The following TMEM132C variants were observed in gnomAD, a reference collection of about 807,000 sequenced individuals.
The protein encoded by TMEM132C is protein phosphatase 1, regulatory subunit 152.
Under a neutral mutation model 61.4 loss-of-function variants are expected in TMEM132C, and 29 were observed. That is an observed-to-expected ratio of 0.47 (90% CI 0.35 to 0.64). The LOEUF is 0.64. Among genes scored for constraint, TMEM132C ranks in the 30% least tolerant of loss-of-function variants. The pLI, the probability that TMEM132C is intolerant of heterozygous loss-of-function variation, is 0.00. For synonymous variants in TMEM132C, 656 were observed against 633.1 expected (o/e 1.04, Z -0.54); for missense variants, 1,408 against 1,476.9 (o/e 0.95, Z 0.76).
chr12:128,606,552 T>C (rs1876434894), intron 3 of TMEM132C, among the ~76,000 whole-genome samples: 1 of 152,236 alleles, frequency 6.6e-6, no homozygotes, highest in Admixed American at 6.5e-5. Flanking sequence ...GTTTTATTCT[T>C]GGAAAACAGA....
chr12:128,351,003 A>G (rs1019456758), intron 1 of TMEM132C, among the ~76,000 whole-genome samples: 60 of 152,090 alleles, frequency 3.9e-4, no homozygotes, highest in African/African-American at 1.4e-3. Context: ...AAACAAAAGG[A>G]AGAAAAGAGC....
chr12:128,493,336 G>C (rs1871816943), intron 2 of TMEM132C, among the ~76,000 whole-genome samples: 2 of 152,062 alleles, frequency 1.3e-5, no homozygotes, highest in African/African-American at 4.8e-5. Context: ...AATGTGGAAT[G>C]TTTTTTGGTT....
At chr12:128,614,933 C>T (rs1341331808) in intron 3 of TMEM132C, among the ~76,000 whole-genome samples, 1 of 152,200 alleles carries the variant, frequency 6.6e-6, no homozygotes, top group Non-Finnish European at 1.5e-5. Flanking sequence ...ACCACTGTCA[C>T]CCCTCGGCAT....
At chr12:128,600,318 T>C (rs1434051418) in intron 3 of TMEM132C, among the ~76,000 whole-genome samples, 2 of 152,168 alleles carry the variant, frequency 1.3e-5, no homozygotes, top group East Asian at 1.9e-4. Context: ...TTTCCCCTTT[T>C]TTGCTCAGCA....
At chr12:128,361,459 A>T (rs1873705996) in intron 1 of TMEM132C, among the ~76,000 whole-genome samples, 1 of 152,070 alleles carries the variant, frequency 6.6e-6, no homozygotes, top group Non-Finnish European at 1.5e-5. Context: ...CCTTGCCATC[A>T]CATTAGCCTC....
chr12:128,507,876 G>GT (rs1416546941), intron 2 of TMEM132C, among the ~76,000 whole-genome samples: 1 of 152,198 alleles, frequency 6.6e-6, no homozygotes, highest in East Asian at 1.9e-4. Flanking sequence ...ATTTTGTAAA[G>GT]TGGGATTAAG....
intron 3 of TMEM132C, among the ~76,000 whole-genome samples, chr12:128,598,691 G>T (rs1345517832): frequency 6.6e-6 from 1 of 151,938 alleles, no homozygotes; most frequent in East Asian, 1.9e-4. Context: ...TCAGCTTTCA[G>T]CTCAAAGGCC....
chr12:128,302,998 A>G (rs1409380386), intron 1 of TMEM132C, among the ~76,000 whole-genome samples: 1 of 152,228 alleles, frequency 6.6e-6, no homozygotes, highest in Non-Finnish European at 1.5e-5. Flanking sequence ...CCTGACCTCC[A>G]GATGGTATTC....
chr12:128,432,735 G>C (rs956034037), intron 2 of TMEM132C, among the ~76,000 whole-genome samples: 1 of 152,198 alleles, frequency 6.6e-6, no homozygotes. Flanking sequence ...TAAAAGATTT[G>C]TAATAGTACA....
intron 2 of TMEM132C, among the ~76,000 whole-genome samples, chr12:128,521,478 C>T (rs114754891): frequency 6.7e-6 from 1 of 148,254 alleles, no homozygotes; most frequent in African/African-American, 2.5e-5. Context: ...CAACAGGCCC[C>T]GGTGGGAACA....
intron 5 of TMEM132C, among the ~76,000 whole-genome samples, chr12:128,680,567 CA>C (rs1954627054): frequency 1.3e-5 from 2 of 152,240 alleles, no homozygotes; most frequent in Admixed American, 6.5e-5. Context: ...GCTCATTAGT[CA>C]CATGTGGCTA....
chr12:128,305,794 A>G (rs746975663), intron 1 of TMEM132C, among the ~76,000 whole-genome samples: 2 of 152,096 alleles, frequency 1.3e-5, no homozygotes, highest in Non-Finnish European at 2.9e-5. Flanking sequence ...CTGCGTCTGG[A>G]TGTTTGAAGA....
At chr12:128,271,235 C>T (rs1476692431) in intron 1 of TMEM132C, among the ~76,000 whole-genome samples, 3 of 150,104 alleles carry the variant, frequency 2.0e-5, no homozygotes, top group Non-Finnish European at 4.4e-5. Flanking sequence ...GCCTGGGTGA[C>T]AGAGTAAGAC....
chr12:128,524,630 C>G (rs563785412), intron 2 of TMEM132C, among the ~76,000 whole-genome samples: 3 of 152,264 alleles, frequency 2.0e-5, no homozygotes, highest in African/African-American at 7.2e-5. Flanking sequence ...CATTAAAATT[C>G]CACCGTGAGA....
chr12:128,374,301 T>C (rs1228422041), intron 1 of TMEM132C, among the ~76,000 whole-genome samples: 1 of 152,158 alleles, frequency 6.6e-6, no homozygotes, highest in Non-Finnish European at 1.5e-5. Context: ...CAGAACTGAC[T>C]GATTACTGGT....
At chr12:128,596,507 C>T (rs1405685000) in intron 3 of TMEM132C, among the ~76,000 whole-genome samples, 1 of 149,860 alleles carries the variant, frequency 6.7e-6, no homozygotes, top group African/African-American at 2.5e-5. Context: ...GCCCCTTTTG[C>T]AGGTCCTGGT....
chr12:128,396,617 T>C (rs1464764197), intron 1 of TMEM132C, among the ~76,000 whole-genome samples: 1 of 152,206 alleles, frequency 6.6e-6, no homozygotes, highest in Non-Finnish European at 1.5e-5. Flanking sequence ...ACCTATCATG[T>C]GCCAGGCATG....
intron 4 of TMEM132C, among the ~76,000 whole-genome samples, chr12:128,638,068 CTG>C (rs1954116880): frequency 6.6e-6 from 1 of 152,208 alleles, no homozygotes; most frequent in African/African-American, 2.4e-5. Context: ...AAGCCTGACC[CTG>C]TGTGTTTGTC....
At chr12:128,391,717 C>G (rs1185545279) in intron 1 of TMEM132C, among the ~76,000 whole-genome samples, 3 of 152,142 alleles carry the variant, frequency 2.0e-5, no homozygotes, top group African/African-American at 7.2e-5. Flanking sequence ...AAGAATGAAC[C>G]TCCTTGCTTT....
Sources: gnomAD v4.1 joint callset for allele counts (sites outside exome capture counted in the v4.1 genomes callset) on GRCh38, gnomAD v4.1.1 for gene constraint, MANE v1.5 for transcripts, NCBI Gene and HGNC (gene_info 2026-07-23, HGNC 2026-07-21) for gene names.